PDIA5: variants seen among roughly 807,000 people sequenced by gnomAD.
PDIA5 encodes protein disulfide isomerase family A member 5, also known as protein disulfide-isomerase A5.
A neutral mutation model predicts 77.6 loss-of-function variants in PDIA5; 58 were observed. That is an observed-to-expected ratio of 0.75 (90% CI 0.61 to 0.93). The LOEUF is 0.93. Among genes scored for constraint, PDIA5 ranks in the 40% least tolerant of loss-of-function variants. The probability of loss-of-function intolerance (pLI) is 0.00; values close to 1 mark genes in which losing one functional copy is unlikely to be tolerated. For synonymous variants in PDIA5, 250 were observed against 252.1 expected, an observed-to-expected ratio of 0.99 and a Z score of 0.08; for missense variants, 630 against 647.7, an observed-to-expected ratio of 0.97 and a Z score of 0.30.
chr3:123,087,038 G>GT (rs1394978295), intron 1 of PDIA5, among the ~76,000 whole-genome samples: 5 of 152,156 alleles, frequency 3.3e-5, no homozygotes, highest in Non-Finnish European at 7.3e-5. Flanking sequence ...CTTTGAAATG[G>GT]TTAGGGTCTC....
At position 123,151,922 on chromosome 3, in the gene PDIA5, T is replaced by C. The variant is rs561785862; in HGVS notation, c.1273+1558T>C. 1.2e-4 allele frequency among the ~76,000 whole-genome samples: 17 copies of C among 145,146 alleles called. No homozygotes were observed. In the East Asian group the frequency reaches 3.6e-3, roughly 31 times the overall value. Reference sequence around the variant, plus strand: ...CTGCCTGCCTTCCTTCCTGCCTTCCTTCCTTCCTGCCTTCCTTCCTGCCTG... The same window carrying C: ...CTGCCTGCCTTCCTTCCTGCCTTCCCTCCTTCCTGCCTTCCTTCCTGCCTG... On this transcript the variant is annotated intron_variant, in intron 14 of 16. Coordinates refer to ENST00000316218, the MANE Select transcript of PDIA5 (RefSeq NM_006810.4).
At chr3:123,081,322 A>T (rs1378844989) in intron 1 of PDIA5, among the ~76,000 whole-genome samples, 1 of 152,204 alleles carries the variant, frequency 6.6e-6, no homozygotes, top group African/African-American at 2.4e-5. Context: ...GACAACTAGT[A>T]ATAATCAAAG....
intron 1 of PDIA5, among the ~76,000 whole-genome samples, chr3:123,076,058 G>A (rs1181246339): frequency 6.6e-6 from 1 of 152,138 alleles, no homozygotes; most frequent in Non-Finnish European, 1.5e-5. Flanking sequence ...AGGGAAGATG[G>A]ATCAGGTTGT....
intron 10 of PDIA5, among the ~76,000 whole-genome samples, chr3:123,128,110 G>A (rs760916192): frequency 3.9e-5 from 6 of 152,192 alleles, no homozygotes; most frequent in Non-Finnish European, 5.9e-5. Context: ...TCCTGGGTGG[G>A]AGAGGGGAGA....
At chr3:123,130,219 C>G (rs555265737) in intron 10 of PDIA5, among the ~76,000 whole-genome samples, 89 of 152,370 alleles carry the variant, frequency 5.8e-4, no homozygotes, top group Non-Finnish European at 7.3e-4. Context: ...ATCTAGAGAG[C>G]TGTAGCCAGA....
intron 11 of PDIA5, among the ~76,000 whole-genome samples, chr3:123,131,850 G>A (rs1349738158): frequency 6.6e-6 from 1 of 151,930 alleles, no homozygotes. Flanking sequence ...TGAGAGCCAG[G>A]GGATGGCAGG....
At position 123,087,370 on chromosome 3, in the gene PDIA5, G is replaced by GTCTCTTTA. The variant is rs1934167520; in HGVS notation, c.43-1798_43-1797insTCTCTTTA. On this transcript the variant is annotated intron_variant, in intron 1 of 16. Coordinates refer to ENST00000316218, the MANE Select transcript of PDIA5 (RefSeq NM_006810.4). ...CTTTTTTTTTTCTTTTTCTTTTTCT[G>GTCTCTTTA]GAGTCTCTTTAATTTGGTTCTTGTG... 2.7e-5 allele frequency among the ~76,000 whole-genome samples: 4 copies of GTCTCTTTA among 149,828 alleles called. No homozygotes were observed. In the South Asian group the frequency reaches 6.4e-4, roughly 24 times the overall value.
chr3:123,139,026 A>G (rs377474309), intron 11 of PDIA5, among the ~76,000 whole-genome samples: 1 of 152,362 alleles, frequency 6.6e-6, no homozygotes, highest in East Asian at 1.9e-4. Context: ...TTGGGTTGAC[A>G]GGAAGCCAAC....
chr3:123,068,648 T>A (rs1201819587), intron 1 of PDIA5, among the ~76,000 whole-genome samples: 1 of 152,202 alleles, frequency 6.6e-6, no homozygotes, highest in Non-Finnish European at 1.5e-5. Context: ...AACAAACGGC[T>A]TGAGAATCTG....
chr3:123,148,501 T>G (rs1479106645), intron 13 of PDIA5, among the ~76,000 whole-genome samples: 3 of 151,678 alleles, frequency 2.0e-5, no homozygotes, highest in Non-Finnish European at 4.4e-5. Flanking sequence ...GCCGGGAGGT[T>G]GAGGCTACAG....
At chr3:123,083,229 A>G (rs1489534558) in intron 1 of PDIA5, among the ~76,000 whole-genome samples, 1 of 149,868 alleles carries the variant, frequency 6.7e-6, no homozygotes, top group African/African-American at 2.5e-5. Context: ...GGGGGGGTGC[A>G]GTGAAGCTCT....
intron 1 of PDIA5, among the ~76,000 whole-genome samples, chr3:123,078,051 G>C (rs1358070363): frequency 1.3e-5 from 2 of 152,008 alleles, no homozygotes; most frequent in Non-Finnish European, 2.9e-5. Flanking sequence ...TGCGTGATCC[G>C]CTCGCCTCAG....
chr3:123,161,760 C>T lies in PDIA5; in HGVS notation c.1480-120C>T, dbSNP rs777112444. ...CCCTCTCCACCTTGCAGAAGTCTGC[C>T]CACCTCTCCCTGTCATAGGAGTGAC... On this transcript the variant is annotated intron_variant, in intron 16 of 16. Transcript: ENST00000316218. 1.1e-5 allele frequency: 8 copies of T among 748,598 alleles called. No individual in the cohort carries two copies. In the African/African-American group the frequency reaches 1.2e-4, roughly 12 times the overall value. 46.4% of individuals were successfully genotyped at this position (748,598 alleles called of 1,614,324 possible). A position where few individuals can be genotyped will look rare whatever the true frequency, so the allele number is the denominator to read the frequency against.
chr3:123,142,061 G>C lies in PDIA5; in HGVS notation c.911-3461G>C, dbSNP rs140486539. On this transcript the variant is annotated intron_variant, in intron 11 of 16. Coordinates refer to ENST00000316218, the MANE Select transcript of PDIA5 (RefSeq NM_006810.4). ...CATCAGTGTGGGGAAGGGGAGGAGA[G>C]GCTTTTGTGACAATCTCAAGAATGT... Among the ~76,000 whole-genome samples, 183 of 152,302 alleles carry C rather than the reference G, an allele frequency of 1.2e-3. 1 individual carries two copies. The highest frequency in any genetic ancestry group is 4.3e-3 in the African/African-American group (178 of 41,556).
At chr3:123,160,357 A>G (rs1169998823) in intron 15 of PDIA5, among the ~76,000 whole-genome samples, 2 of 152,240 alleles carry the variant, frequency 1.3e-5, no homozygotes, top group African/African-American at 4.8e-5. Flanking sequence ...AAAGCTACCC[A>G]GCATGTGGAA....
chr3:123,158,675 C>T (rs1234319291), intron 15 of PDIA5, among the ~76,000 whole-genome samples: 1 of 152,196 alleles, frequency 6.6e-6, no homozygotes, highest in Non-Finnish European at 1.5e-5. Flanking sequence ...GGAGGATGCT[C>T]TGAGGCTGAG....
chr3:123,096,141 G>A (rs1560509741), intron 3 of PDIA5, among the ~76,000 whole-genome samples: 1 of 151,710 alleles, frequency 6.6e-6, no homozygotes, highest in Non-Finnish European at 1.5e-5. Flanking sequence ...CCCTTATTAG[G>A]TTTCTATTCC....
At chr3:123,156,779 G>A (rs556209574) in intron 15 of PDIA5, among the ~76,000 whole-genome samples, 2 of 151,974 alleles carry the variant, frequency 1.3e-5, no homozygotes, top group Non-Finnish European at 2.9e-5. Flanking sequence ...GTCAGGGAGC[G>A]TGGTCCAGCT....
intron 3 of PDIA5, among the ~76,000 whole-genome samples, chr3:123,098,382 C>T (rs1934496897): frequency 6.6e-6 from 1 of 152,118 alleles, no homozygotes; most frequent in Admixed American, 6.5e-5. Context: ...TGCTCTCATC[C>T]CCACTTTGAT....
Sources: gnomAD v4.1 joint callset for allele counts (sites outside exome capture counted in the v4.1 genomes callset) on GRCh38, gnomAD v4.1.1 for gene constraint, MANE v1.5 for transcripts, NCBI Gene and HGNC (gene_info 2026-07-23, HGNC 2026-07-21) for gene names.